The following EBF3 variants were observed in gnomAD, a reference collection of about 807,000 sequenced individuals.
EBF3 encodes the protein EBF transcription factor 3.
A neutral mutation model predicts 77.1 loss-of-function variants in EBF3; 18 were observed. The observed-to-expected ratio is 0.23, with a 90% confidence interval of 0.16 to 0.35. The LOEUF (loss-of-function observed/expected upper bound fraction) is 0.35. Ranked by LOEUF, EBF3 falls within the 10% of genes least tolerant of loss-of-function variation. The probability of loss-of-function intolerance (pLI) is 1.00; values close to 1 mark genes in which losing one functional copy is unlikely to be tolerated. For missense variants in EBF3, 558 were observed against 860.0 expected, an observed-to-expected ratio of 0.65 and a Z score of 4.39; for synonymous variants, 350 against 343.5, an observed-to-expected ratio of 1.02 and a Z score of -0.21.
rs1013844052 is a variant in EBF3, at chr10:129,944,351, A to C, written c.554+12907T>G. Among the ~76,000 whole-genome samples the C allele has an allele frequency of 3.9e-5, 6 of 152,198 alleles. No homozygotes were observed. The highest frequency in any genetic ancestry group is 7.3e-5 in the Non-Finnish European group (5 of 68,050). On this transcript the variant is annotated intron_variant, in intron 6 of 16. Coordinates refer to ENST00000440978, the MANE Select transcript of EBF3 (RefSeq NM_001375380.1). The surrounding 1 kb of genome is among the most constrained non-coding windows in gnomAD (Gnocchi z 5.1). ...CATGCAGGGAACATTTTTATTGTTA[A>C]TCAATGCCAATCAATTCTGAGCCTT...
chr10:129,865,251 A>G (rs1358726363), intron 10 of EBF3, among the ~76,000 whole-genome samples: 1 of 152,240 alleles, frequency 6.6e-6, no homozygotes, highest in Non-Finnish European at 1.5e-5. Context: ...CCTGGGGCCT[A>G]CAGATGCTGC....
chr10:129,873,588 T>C lies in EBF3; in HGVS notation c.645A>G (p.Val215=), dbSNP rs1852555577. The part of the protein sequence containing the change: ...PRDMRRFQVV[V]STTVNVDGHV... Reference sequence around the variant, plus strand: ...GGCCGTCCACGTTGACTGTTGTCGATACAACAACCTGCAAAGATGAAGTGG... The same window carrying C: ...GGCCGTCCACGTTGACTGTTGTCGACACAACAACCTGCAAAGATGAAGTGG... Residue 215 remains valine (V), a synonymous_variant, in exon 8 of 17, where the codon GTA becomes GTG. Coordinates refer to ENST00000440978, the MANE Select transcript of EBF3 (RefSeq NM_001375380.1). The C allele has an allele frequency of 6.5e-7, 1 of 1,538,286 alleles. No homozygotes were observed.
intron 4 of EBF3, 80 bp from the exon 5 acceptor site, chr10:129,959,087 T>G: frequency 6.5e-7 from 1 of 1,548,312 alleles, no homozygotes; most frequent in East Asian, 2.4e-5. Flanking sequence ...GCTGCAGGCC[T>G]GGCTGGCAGC....
chr10:129,889,064 G>A (rs778735281), intron 6 of EBF3, among the ~76,000 whole-genome samples: 2 of 152,190 alleles, frequency 1.3e-5, no homozygotes, highest in African/African-American at 2.4e-5. Flanking sequence ...AAGAGCTCAT[G>A]GGAAGGAACC....
intron 6 of EBF3, among the ~76,000 whole-genome samples, chr10:129,898,503 G>A (rs796254879): frequency 1.2e-4 from 18 of 152,224 alleles, no homozygotes; most frequent in African/African-American, 3.1e-4. Flanking sequence ...TCTGGGGACC[G>A]CCCCCCACCC....
In EBF3 at chr10:129,963,653, G is replaced by A; in HGVS notation, c.116C>T (p.Ala39Val). 5.4e-6 allele frequency: 8 copies of A among 1,490,000 alleles called. No homozygotes were observed. Among genetic ancestry groups the A allele is most frequent in the Non-Finnish European group, 6.3e-6 (7 of 1,110,444 alleles). 92.3% of individuals were successfully genotyped at this position (1,490,000 alleles called of 1,614,324 possible). The change falls in exon 1 of 17, where the codon GCC becomes GTC. Residue 39 changes from alanine to valine, a missense_variant. Around this residue, in one of 5 missense-constraint regions of EBF3, gnomAD observed 84 missense variants for 142.3 expected, o/e 0.59. Coordinates refer to ENST00000440978, the MANE Select transcript of EBF3 (RefSeq NM_001375380.1). The surrounding 1 kb of genome is among the most constrained non-coding windows in gnomAD (Gnocchi z 7.1). ...SWMHTAGVVDANTAAQSGVGL... is the reference protein window; with the variant it reads ...SWMHTAGVVDVNTAAQSGVGL... The stretch of plus-strand genomic sequence containing the variant: ...TACGTACCTCTGGGCGGCCGTGTTG[G>A]CGTCCACCACGCCCGCCGTGTGCAT...
At chr10:129,955,607 T>A (rs561420350) in intron 6 of EBF3, among the ~76,000 whole-genome samples, 8 of 152,194 alleles carry the variant, frequency 5.3e-5, no homozygotes, top group Non-Finnish European at 8.8e-5. Flanking sequence ...TGATGAACAC[T>A]GAGTATTAAA....
chr10:129,936,894 G>A (rs1403858047), intron 6 of EBF3, among the ~76,000 whole-genome samples: 3 of 152,184 alleles, frequency 2.0e-5, no homozygotes, highest in Admixed American at 6.5e-5. Context: ...AAGGCAGGAG[G>A]GCCATGCTTT....
At chr10:129,851,770 A>G (rs1344502489) in intron 10 of EBF3, among the ~76,000 whole-genome samples, 1 of 152,248 alleles carries the variant, frequency 6.6e-6, no homozygotes, top group Non-Finnish European at 1.5e-5. Flanking sequence ...AGGCTGTTGT[A>G]TCAAAAGTCA....
intron 6 of EBF3, among the ~76,000 whole-genome samples, chr10:129,927,527 T>A (rs1047049141): frequency 8.5e-5 from 13 of 152,132 alleles, no homozygotes; most frequent in African/African-American, 2.4e-4. Context: ...CAACAGCGCC[T>A]GCAGGTGGCT....
intron 6 of EBF3, among the ~76,000 whole-genome samples, chr10:129,934,257 C>G (rs926899220): frequency 1.3e-5 from 2 of 152,016 alleles, no homozygotes; most frequent in Admixed American, 6.6e-5. Context: ...AGACCCTCCC[C>G]ACTTCCAGGC....
At chr10:129,845,682 G>A (rs549815440) in intron 11 of EBF3, 34 of 152,174 alleles carry the variant, frequency 2.2e-4, no homozygotes, top group African/African-American at 7.2e-4. Context: ...TTCAAAAAGC[G>A]GGGAAAAGAA....
Position 129,952,826 on chromosome 10 carries a change from G to A in EBF3, c.554+4432C>T, listed in dbSNP as rs1858766487. 2.0e-5 allele frequency among the ~76,000 whole-genome samples: 3 copies of A among 152,068 alleles called. No homozygotes were observed. The highest frequency in any genetic ancestry group is 7.2e-5 in the African/African-American group (3 of 41,414). ...ATATAATGAGTGTTCAGCAAAATCG[G>A]CATTAGGCCCAAATTACACGATATT... On this transcript the variant is annotated intron_variant, in intron 6 of 16. Transcript: ENST00000440978. The surrounding 1 kb of genome is among the most constrained non-coding windows in gnomAD (Gnocchi z 4.7).
rs1003219633 is a variant in EBF3 at position 129,879,484 on chromosome 10, C to A, written c.555-1635G>T. Among the ~76,000 whole-genome samples, 12 of 152,110 alleles carry A rather than the reference C, an allele frequency of 7.9e-5. No individual in the cohort carries two copies. The highest frequency in any genetic ancestry group is 2.7e-4 in the African/African-American group (11 of 41,408). ...ACGGACCAAGACTCATCTAAGTGCC[C>A]CCCCAGCATATCCTGGATGACTTCT... is the stretch of plus-strand genomic sequence containing the variant. On this transcript the variant is annotated intron_variant, in intron 6 of 16. Transcript: ENST00000440978. The surrounding 1 kb of genome is among the most constrained non-coding windows in gnomAD (Gnocchi z 4.7).
chr10:129,954,628 G>A (rs966252160), intron 6 of EBF3, among the ~76,000 whole-genome samples: 2 of 152,122 alleles, frequency 1.3e-5, no homozygotes, highest in Non-Finnish European at 2.9e-5. Context: ...GTGTGGGTTG[G>A]AACAAATGTG....
intron 10 of EBF3, among the ~76,000 whole-genome samples, chr10:129,857,901 C>T (rs1851364273): frequency 6.6e-6 from 1 of 152,238 alleles, no homozygotes; most frequent in Admixed American, 6.5e-5. Flanking sequence ...TGATGGCGAG[C>T]TTCCACAGCA....
Position 129,848,323 on chromosome 10 carries a change from G to A in EBF3, c.1128+69C>T. 2.0e-6 allele frequency: 3 copies of A among 1,488,700 alleles called. No homozygotes were observed. The highest frequency in any genetic ancestry group is 1.7e-4 in the Middle Eastern group (1 of 5,770). 92.2% of individuals were successfully genotyped at this position (1,488,700 alleles called of 1,614,324 possible). A position where few individuals can be genotyped will look rare whatever the true frequency, so the allele number is the denominator to read the frequency against. Reference sequence around the variant, plus strand: ...ATCCCCCCTTCCCAGAGCACCTGCTGCCCCCAAACCAGAACCAGCCCAGTG... The same window carrying A: ...ATCCCCCCTTCCCAGAGCACCTGCTACCCCCAAACCAGAACCAGCCCAGTG... On this transcript the variant is annotated intron_variant, in intron 11 of 16. Coordinates refer to ENST00000440978, the MANE Select transcript of EBF3 (RefSeq NM_001375380.1). This position sits in a 1 kb window ranked among gnomAD's most constrained non-coding sequence, Gnocchi z 4.4.
chr10:129,865,175 C>T (rs537269199), intron 10 of EBF3, among the ~76,000 whole-genome samples: 9 of 152,272 alleles, frequency 5.9e-5, no homozygotes, highest in Admixed American at 1.3e-4. Flanking sequence ...CAGCACACAC[C>T]GGCAAGGTGC....
At chr10:129,922,255 C>T (rs1382960569) in intron 6 of EBF3, among the ~76,000 whole-genome samples, 4 of 152,180 alleles carry the variant, frequency 2.6e-5, no homozygotes, top group Admixed American at 6.5e-5. Flanking sequence ...CCACTCACAA[C>T]GAGGCCCTGC....
Sources: allele counts gnomAD v4.1 joint callset (sites outside exome capture counted in the v4.1 genomes callset), GRCh38; gene constraint gnomAD v4.1.1; regional missense constraint gnomAD v4.1.1; non-coding constraint Gnocchi (gnomAD v3.1); transcripts MANE v1.5; gene names NCBI Gene and HGNC (gene_info 2026-07-23, HGNC 2026-07-21).